Variants in SIRT5 observed in about 807,000 individuals in gnomAD.
SIRT5 encodes NAD-dependent protein deacylase sirtuin-5, mitochondrial.
SIRT5 carries 26 observed loss-of-function variants against 40.0 expected under a neutral mutation model. The observed-to-expected ratio is 0.65, with a 90% confidence interval of 0.48 to 0.90. The LOEUF is 0.90. Among genes scored for constraint, SIRT5 ranks in the 40% least tolerant of loss-of-function variants. The probability of loss-of-function intolerance (pLI) is 0.00; values close to 1 mark genes in which losing one functional copy is unlikely to be tolerated. For missense variants in SIRT5, 401 were observed against 402.4 expected (o/e 1.00, Z 0.03); for synonymous variants, 146 against 149.1 (o/e 0.98, Z 0.15).
chr6:13,585,923 A>G (rs1284743764), intron 3 of SIRT5, among the ~76,000 whole-genome samples: 1 of 152,144 alleles, frequency 6.6e-6, no homozygotes, highest in Admixed American at 6.5e-5. Context: ...TGACTTTTTA[A>G]TGATCGCCAT....
At chr6:13,593,614 G>T (rs541737287) in intron 5 of SIRT5, among the ~76,000 whole-genome samples, 2 of 151,954 alleles carry the variant, frequency 1.3e-5, no homozygotes, top group East Asian at 3.9e-4. Context: ...TTCTAACTTA[G>T]GTTAAAAAAA....
At chr6:13,584,325 A>C in intron 3 of SIRT5, 100 bp downstream of exon 3, 1 of 873,256 alleles carries the variant, frequency 1.1e-6, no homozygotes, top group African/African-American at 1.7e-5. Context: ...GGTATTGGGC[A>C]AGGTTTTGGA....
chr6:13,602,644 T>C (rs895324772), intron 9 of SIRT5, among the ~76,000 whole-genome samples: 41 of 152,304 alleles, frequency 2.7e-4, no homozygotes, highest in African/African-American at 9.9e-4. Context: ...AAACCTCACA[T>C]TCATGGTCAA....
intron 4 of SIRT5, among the ~76,000 whole-genome samples, chr6:13,590,659 TTGTGTGTATGTAGA>T (rs983661524): frequency 3.9e-5 from 6 of 151,954 alleles, no homozygotes; most frequent in African/African-American, 1.4e-4. Context: ...GTGTGTGCAG[TTGTGTGTATGTAGA>T]TGTGTGTAGT....
rs1760959707 is a variant in SIRT5, at chr6:13,591,882, C to T, written c.463C>T (p.Leu155=). Residue 155 remains leucine (L), a synonymous_variant, in exon 5 of 10, where the codon CTG becomes TTG. Transcript: ENST00000606117. ...CCGCAAGGCTGGCACCAAGAACCTTCTGGAGATCCATGGTGAGAGACCCCC... is the reference window on the plus strand; with the variant it reads ...CCGCAAGGCTGGCACCAAGAACCTTTTGGAGATCCATGGTGAGAGACCCCC... ...LHRKAGTKNL[L]EIHGSLFKTR... 5 of 1,612,864 alleles carry T rather than the reference C, an allele frequency of 3.1e-6. No individual in the cohort carries two copies. Among genetic ancestry groups the T allele is most frequent in the Non-Finnish European group, 4.2e-6 (5 of 1,178,912 alleles).
At position 13,614,560 on chromosome 6, in the gene SIRT5, TAC is replaced by T; in HGVS notation, c.*2696_*2697del. 1 of 152,256 alleles carries T rather than the reference TAC, an allele frequency of 6.6e-6. No homozygotes were observed. Among genetic ancestry groups the T allele is most frequent in the African/African-American group, 2.4e-5 (1 of 41,460 alleles). The allele number at this position is 152,256 out of a possible 1,614,324, so 9.4% of individuals were successfully genotyped here. A position where few individuals can be genotyped will look rare whatever the true frequency, so the allele number is the denominator to read the frequency against. ...AAATAAAATATACTTGGAAAAAAAGTACGTATGTGTATATACCACAAAACTCG... is the reference window on the plus strand; with the variant it reads ...AAATAAAATATACTTGGAAAAAAAGTGTATGTGTATATACCACAAAACTCG... On this transcript the variant is annotated 3_prime_UTR_variant, in exon 10 of 10. Coordinates refer to ENST00000606117, the MANE Select transcript of SIRT5 (RefSeq NM_012241.5).
intron 1 of SIRT5, among the ~76,000 whole-genome samples, chr6:13,577,464 A>C (rs1010418700): frequency 2.6e-5 from 4 of 151,770 alleles, no homozygotes; most frequent in African/African-American, 9.7e-5. Flanking sequence ...AGAGTATAGA[A>C]ACACCACTGA....
intron 9 of SIRT5, among the ~76,000 whole-genome samples, chr6:13,608,494 G>A (rs1763408170): frequency 6.6e-6 from 1 of 151,940 alleles, no homozygotes; most frequent in Non-Finnish European, 1.5e-5. Context: ...GCTGAGGTGG[G>A]AGAATCCCTT....
intron 7 of SIRT5, among the ~76,000 whole-genome samples, chr6:13,597,920 G>A (rs561304674): frequency 3.3e-5 from 5 of 152,072 alleles, no homozygotes; most frequent in East Asian, 1.9e-4. Context: ...TTAATGTTAC[G>A]TTGAGACATT....
chr6:13,596,845 A>G (rs777287658), intron 6 of SIRT5, 118 bp from the exon 7 acceptor site: 50 of 728,660 alleles, frequency 6.9e-5, no homozygotes, highest in Non-Finnish European at 1.1e-4. Context: ...GTGAGCATGT[A>G]TTAATTAGGA....
intron 9 of SIRT5, among the ~76,000 whole-genome samples, chr6:13,602,550 G>T (rs1762537059): frequency 6.6e-6 from 1 of 151,440 alleles, no homozygotes. Context: ...AGACAGTGTG[G>T]CACTGGCATA....
intron 9 of SIRT5, chr6:13,604,430 T>G: frequency 2.8e-5 from 32 of 1,141,320 alleles, no homozygotes; most frequent in Non-Finnish European, 3.8e-5. Context: ...AAGCAGGACC[T>G]GAGCTATGTC....
chr6:13,611,929 G>A lies in SIRT5; in HGVS notation c.*64G>A. 1 of 1,483,674 alleles carries A rather than the reference G, an allele frequency of 6.7e-7. No homozygotes were observed. The highest frequency in any genetic ancestry group is 9.4e-7 in the Non-Finnish European group (1 of 1,064,390). The allele number at this position is 1,483,674 out of a possible 1,614,324, so 91.9% of individuals were successfully genotyped here. Reference sequence around the variant, plus strand: ...ACTAGGCCACACGCAGAGGAGAAATGGTCTTATGGGTGGTGAGCTGAGTAC... The same window carrying A: ...ACTAGGCCACACGCAGAGGAGAAATAGTCTTATGGGTGGTGAGCTGAGTAC... On this transcript the variant is annotated 3_prime_UTR_variant, in exon 10 of 10. Coordinates refer to ENST00000606117, the MANE Select transcript of SIRT5 (RefSeq NM_012241.5).
chr6:13,611,101 C>T (rs995525383), intron 9 of SIRT5, among the ~76,000 whole-genome samples: 4 of 150,846 alleles, frequency 2.7e-5, no homozygotes, highest in East Asian at 1.9e-4. Flanking sequence ...TTGAGAGGCT[C>T]GTTGACTTAG....
chr6:13,590,586 GAT>G (rs1156584759), intron 4 of SIRT5, among the ~76,000 whole-genome samples: 1 of 151,746 alleles, frequency 6.6e-6, no homozygotes, highest in Non-Finnish European at 1.5e-5. Flanking sequence ...TGTATTAACA[GAT>G]ATGTGTAGTT....
intron 7 of SIRT5, among the ~76,000 whole-genome samples, chr6:13,597,642 T>C (rs566796609): frequency 6.6e-6 from 1 of 152,188 alleles, no homozygotes; most frequent in South Asian, 2.1e-4. Context: ...ACCTCCTGGG[T>C]TGAAGTGATT....
intron 1 of SIRT5, among the ~76,000 whole-genome samples, chr6:13,575,991 C>T (rs1438905296): frequency 6.6e-6 from 1 of 152,226 alleles, no homozygotes; most frequent in Non-Finnish European, 1.5e-5. Context: ...GAATTGCCTT[C>T]TGTTTTAAGA....
intron 9 of SIRT5, among the ~76,000 whole-genome samples, chr6:13,602,329 C>T (rs1359502713): frequency 6.6e-6 from 1 of 152,058 alleles, no homozygotes; most frequent in Non-Finnish European, 1.5e-5. Context: ...TCATACTTCC[C>T]AATTTCAAAA....
At chr6:13,604,883 ATTC>A in intron 9 of SIRT5, 3 of 1,010,344 alleles carry the variant, frequency 3.0e-6, no homozygotes, top group Non-Finnish European at 3.5e-6. Flanking sequence ...CTAGTTAGAA[ATTC>A]TTATCAATTT....
Sources: allele counts gnomAD v4.1 joint callset (sites outside exome capture counted in the v4.1 genomes callset), GRCh38; gene constraint gnomAD v4.1.1; transcripts MANE v1.5; gene names NCBI Gene and HGNC (gene_info 2026-07-23, HGNC 2026-07-21).